SERPINB10: variants seen among roughly 807,000 people sequenced by gnomAD.
SERPINB10 encodes the protein serpin B10.
In SERPINB10, 35 loss-of-function variants were observed where a neutral mutation model predicts 39.1. The ratio of observed to expected loss-of-function variants is 0.90; its 90% CI spans 0.68 to 1.19. The LOEUF is 1.19. Ranked by LOEUF, SERPINB10 falls within the 50% of genes most tolerant of loss-of-function variation. The pLI is 0.00. For synonymous variants in SERPINB10, 190 were observed against 158.1 expected, an observed-to-expected ratio of 1.20 and a Z score of -1.52; for missense variants, 546 against 460.5, an observed-to-expected ratio of 1.19 and a Z score of -1.70.
In SERPINB10 at chr18:63,934,835, C is replaced by CCAT; in HGVS notation, c.790-3_790-2insCAT. 6.3e-7 allele frequency: 1 copy of CCAT among 1,586,180 alleles called. No homozygotes were observed. The highest frequency in any genetic ancestry group is 8.6e-7 in the Non-Finnish European group (1 of 1,166,980). ...TCTTTCTTTCTTGGTTCCAAATGGGCAGCTGGAAAAGGCCATCACCTATGA... is the reference window on the plus strand; with the variant it reads ...TCTTTCTTTCTTGGTTCCAAATGGGCCATAGCTGGAAAAGGCCATCACCTATGA... On this transcript the variant is annotated splice_region_variant and splice_polypyrimidine_tract_variant and intron_variant, in intron 7 of 7. Coordinates refer to ENST00000238508, the MANE Select transcript of SERPINB10 (RefSeq NM_005024.3).
intron 2 of SERPINB10, among the ~76,000 whole-genome samples, chr18:63,916,513 T>A (rs2050104202): frequency 6.6e-6 from 1 of 152,008 alleles, no homozygotes; most frequent in Non-Finnish European, 1.5e-5. Flanking sequence ...TATATTAGTC[T>A]GGACTTGGGA....
intron 1 of SERPINB10, among the ~76,000 whole-genome samples, chr18:63,909,507 T>C (rs2050048823): frequency 6.6e-6 from 1 of 152,018 alleles, no homozygotes; most frequent in Non-Finnish European, 1.5e-5. Flanking sequence ...GATATACAAA[T>C]AATGATATTA....
At chr18:63,934,292 G>A (rs1224903348) in intron 7 of SERPINB10, among the ~76,000 whole-genome samples, 1 of 152,060 alleles carries the variant, frequency 6.6e-6, no homozygotes, top group African/African-American at 2.4e-5. Flanking sequence ...AAGAGGGAAA[G>A]CATCCTTAAA....
chr18:63,915,766 A>T (rs967967899), intron 2 of SERPINB10, 88 bp downstream of exon 2: 3 of 1,112,606 alleles, frequency 2.7e-6, no homozygotes, highest in African/African-American at 3.2e-5. Context: ...TGACAACTCA[A>T]TAATTTACAT....
intron 1 of SERPINB10, among the ~76,000 whole-genome samples, chr18:63,909,905 AGT>A (rs1346431654): frequency 6.6e-6 from 1 of 152,040 alleles, no homozygotes; most frequent in Non-Finnish European, 1.5e-5. Flanking sequence ...ATTTTATGAG[AGT>A]GTAGAATTAC....
intron 6 of SERPINB10, among the ~76,000 whole-genome samples, chr18:63,931,230 A>G (rs1164280210): frequency 6.6e-6 from 1 of 152,192 alleles, no homozygotes; most frequent in Non-Finnish European, 1.5e-5. Context: ...ATCCCAGTTC[A>G]TTCTCATGCT....
At chr18:63,919,068 C>T (rs1209569589) in intron 4 of SERPINB10, among the ~76,000 whole-genome samples, 1 of 151,970 alleles carries the variant, frequency 6.6e-6, no homozygotes, top group African/African-American at 2.4e-5. Flanking sequence ...CACTTTTTCT[C>T]CTACAAGCCC....
rs2050037883 is a variant in SERPINB10, at chr18:63,908,046, G to A, written c.-10+6G>A. The A allele has an allele frequency of 6.2e-6, 2 of 322,654 alleles. No individual in the cohort carries two copies. Among genetic ancestry groups the A allele is most frequent in the South Asian group, 2.5e-5 (1 of 39,264 alleles). 20.0% of individuals were successfully genotyped at this position (322,654 alleles called of 1,614,324 possible). On this transcript the variant is annotated splice_donor_region_variant and intron_variant, in intron 1 of 7. Transcript: ENST00000238508. Reference sequence around the variant, plus strand: ...CTCCAGTGGGAGAAAACAAGGTATTGTAAATATTTCTTTGGTTAATGATTT... The same window carrying A: ...CTCCAGTGGGAGAAAACAAGGTATTATAAATATTTCTTTGGTTAATGATTT...
chr18:63,920,693 G>A (rs916225299), intron 5 of SERPINB10, among the ~76,000 whole-genome samples: 3 of 151,900 alleles, frequency 2.0e-5, no homozygotes, highest in African/African-American at 7.2e-5. Context: ...TTTCTGCTAG[G>A]GTGACCAGTG....
chr18:63,915,783 A>G (rs2050097936), intron 2 of SERPINB10, 105 bp downstream of exon 2: 3 of 987,056 alleles, frequency 3.0e-6, no homozygotes, highest in Non-Finnish European at 4.4e-6. Context: ...ACATTTCACA[A>G]TAACATTCTC....
chr18:63,908,442 C>T (rs1454674515), intron 1 of SERPINB10, among the ~76,000 whole-genome samples: 2 of 151,998 alleles, frequency 1.3e-5, no homozygotes, highest in Non-Finnish European at 2.9e-5. Flanking sequence ...AACCCTTCAA[C>T]TCTTTAGGAA....
intron 1 of SERPINB10, among the ~76,000 whole-genome samples, chr18:63,908,817 C>T (rs187549143): frequency 3.3e-5 from 5 of 152,058 alleles, no homozygotes; most frequent in African/African-American, 9.6e-5. Context: ...TCATGGAAAA[C>T]GGGACAAGAA....
In SERPINB10 at chr18:63,930,644, G is replaced by A. The variant is rs754129126; in HGVS notation, c.633+457G>A. On this transcript the variant is annotated intron_variant, in intron 6 of 7. Coordinates refer to ENST00000238508, the MANE Select transcript of SERPINB10 (RefSeq NM_005024.3). The stretch of plus-strand genomic sequence containing the variant: ...AAGTAAGGTTATAGATTTGACTCTC[G>A]TGAATGGGCTGGAGTGTGGCTGGGC... 4.6e-5 allele frequency among the ~76,000 whole-genome samples: 7 copies of A among 152,256 alleles called. No homozygotes were observed. In the East Asian group the frequency reaches 7.7e-4, roughly 17 times the overall value.
At chr18:63,918,776 A>T (rs575937172) in intron 4 of SERPINB10, among the ~76,000 whole-genome samples, 33 of 152,138 alleles carry the variant, frequency 2.2e-4, no homozygotes, top group Admixed American at 2.0e-3. Flanking sequence ...CTAAAGACAT[A>T]AAATCATCCA....
intron 5 of SERPINB10, 102 bp downstream of exon 5, chr18:63,920,007 GT>G: frequency 1.6e-6 from 1 of 616,430 alleles, no homozygotes; most frequent in Non-Finnish European, 2.8e-6. Context: ...TTAAATAGAA[GT>G]GTGGACACAT....
At chr18:63,923,512 C>A (rs971192476) in intron 5 of SERPINB10, among the ~76,000 whole-genome samples, 2 of 151,910 alleles carry the variant, frequency 1.3e-5, no homozygotes, top group African/African-American at 4.8e-5. Context: ...ATAAAAACAA[C>A]AAACCTGCAC....
Position 63,918,069 on chromosome 18 carries a change from G to T in SERPINB10, c.339G>T (p.Ala113=). The T allele has an allele frequency of 6.2e-7, 1 of 1,612,362 alleles. No homozygotes were observed. Among genetic ancestry groups the T allele is most frequent in the East Asian group, 2.2e-5 (1 of 44,776 alleles). ...NDDYLLKTAN[A]IYGEKTYAFH... The stretch of plus-strand genomic sequence containing the variant: ...ACTACTTACTTAAAACAGCCAATGC[G>T]ATATATGGAGAGAAAACGTATGCAT... Residue 113 remains alanine, a synonymous_variant, in exon 4 of 8, where the codon GCG becomes GCT. Transcript: ENST00000238508.
chr18:63,912,601 A>G (rs1259539823), intron 1 of SERPINB10, among the ~76,000 whole-genome samples: 1 of 151,996 alleles, frequency 6.6e-6, no homozygotes, highest in Non-Finnish European at 1.5e-5. Flanking sequence ...TGTATGTTGA[A>G]CCAATATAGT....
In SERPINB10 at chr18:63,915,607, T is replaced by C. The variant is rs1373948544; in HGVS notation, c.97T>C (p.Trp33Arg). The C allele has an allele frequency of 6.2e-7, 1 of 1,612,834 alleles. No individual in the cohort carries two copies. The highest frequency in any genetic ancestry group is 8.5e-7 in the Non-Finnish European group (1 of 1,179,262). The change falls in exon 2 of 8, where the codon TGG (tryptophan) becomes CGG (arginine). Residue 33 changes from tryptophan (W) to arginine (R), a missense_variant. By Grantham distance (101) the Trp-to-Arg change is moderately radical. Transcript: ENST00000238508. ...AQGKNIFFSS[W>R]SISTSLTIVY... is the part of the protein sequence containing the mutation. ...GGGTAAAAATATCTTCTTTTCTTCC[T>C]GGAGCATCTCAACTTCCTTGACCAT...
Sources: allele counts gnomAD v4.1 joint callset (sites outside exome capture counted in the v4.1 genomes callset), GRCh38; gene constraint gnomAD v4.1.1; transcripts MANE v1.5; gene names NCBI Gene and HGNC (gene_info 2026-07-23, HGNC 2026-07-21).